Variants in AAGAB observed in about 807,000 individuals in gnomAD.
AAGAB encodes alpha- and gamma-adaptin-binding protein p34.
In AAGAB, 38 loss-of-function variants were observed where a neutral mutation model predicts 44.1. The ratio of observed to expected loss-of-function variants is 0.86; its 90% CI spans 0.67 to 1.13. The LOEUF (loss-of-function observed/expected upper bound fraction) is 1.13, where lower values mean the gene tolerates loss of function less well. Among genes scored for constraint, AAGAB ranks in the 50% most tolerant of loss-of-function variants. AAGAB has a pLI of 0.00. For missense variants in AAGAB, 450 were observed against 373.8 expected (o/e 1.20, Z -1.68); for synonymous variants, 131 against 131.8 (o/e 0.99, Z 0.04).
upstream of AAGAB, chr15:67,254,841 G>A (rs1965052471): frequency 1.3e-6 from 2 of 1,572,248 alleles, no homozygotes; most frequent in Admixed American, 1.7e-5. Flanking sequence ...TCCGGCTGAA[G>A]GTTTCCGTGC....
chr15:67,202,212 C>A lies in AAGAB; in HGVS notation c.*609G>T, dbSNP rs1265825023. 6.6e-6 allele frequency: 1 copy of A among 152,574 alleles called. No individual in the cohort carries two copies. The highest frequency in any genetic ancestry group is 1.5e-5 in the Non-Finnish European group (1 of 68,198). The allele number at this position is 152,574 out of a possible 1,614,324, so 9.5% of individuals were successfully genotyped here. A position where few individuals can be genotyped will look rare whatever the true frequency, so the allele number is the denominator to read the frequency against. Reference sequence around the variant, plus strand: ...ATTTATTACAGTCTAAAAATCCACACTGGCTTTTTGATTCTTTCTAGCATG... The same window carrying A: ...ATTTATTACAGTCTAAAAATCCACAATGGCTTTTTGATTCTTTCTAGCATG... On this transcript the variant is annotated 3_prime_UTR_variant, in exon 10 of 10. Transcript: ENST00000261880.
In AAGAB at chr15:67,209,524, G is replaced by T. The variant is rs1963761868; in HGVS notation, c.556C>A (p.Leu186Ile). Residue 186 changes from leucine (L) to isoleucine (I), a missense_variant, in exon 6 of 10, where the codon CTT becomes ATT. Coordinates refer to ENST00000261880, the MANE Select transcript of AAGAB (RefSeq NM_024666.5). ...MKNDRNQGFSLLNSLTGTNHS... is the reference protein window; with the variant it reads ...MKNDRNQGFSILNSLTGTNHS... ...TTTGTTCCAGTCAATGAGTTGAGAA[G>T]GCTAAAGCCTTGGTTCCTATCTGAA... The T allele has an allele frequency of 6.2e-7, 1 of 1,614,066 alleles. No homozygotes were observed. Among genetic ancestry groups the T allele is most frequent in the Non-Finnish European group, 8.5e-7 (1 of 1,179,946 alleles).
At chr15:67,206,526 T>G (rs925532674) in intron 7 of AAGAB, among the ~76,000 whole-genome samples, 3 of 152,234 alleles carry the variant, frequency 2.0e-5, no homozygotes, top group Non-Finnish European at 4.4e-5. Flanking sequence ...TCCTCATTCC[T>G]TCTATATTTA....
rs1357460008 is a variant in AAGAB, at chr15:67,201,805, C to T, written c.*1016G>A. The T allele has an allele frequency of 1.3e-5, 2 of 152,412 alleles. No individual in the cohort carries two copies. The highest frequency in any genetic ancestry group is 2.9e-5 in the Non-Finnish European group (2 of 68,030). 9.4% of individuals were successfully genotyped at this position (152,412 alleles called of 1,614,324 possible). A position where few individuals can be genotyped will look rare whatever the true frequency, so the allele number is the denominator to read the frequency against. ...GGATAAAGAACAAAAGATAGTCCTC[C>T]GAGGTTACAGGCTTGGAAGGGCAGA... On this transcript the variant is annotated 3_prime_UTR_variant, in exon 10 of 10. Coordinates refer to ENST00000261880, the MANE Select transcript of AAGAB (RefSeq NM_024666.5).
In AAGAB at chr15:67,235,985, C is replaced by T. The variant is rs1366676870; in HGVS notation, c.445G>A (p.Glu149Lys). 6.2e-7 allele frequency: 1 copy of T among 1,607,164 alleles called. No homozygotes were observed. Among genetic ancestry groups the T allele is most frequent in the East Asian group, 2.2e-5 (1 of 44,696 alleles). The change falls in exon 4 of 10, where the codon GAG (glutamate) becomes AAG (lysine). Residue 149 changes from glutamate to lysine, a missense_variant. By Grantham distance (56) the Glu-to-Lys change is moderately conservative. Transcript: ENST00000261880. ...VELSPEELPE[E>K]DDDFPESTGV... ...CTAACACATAAACACTTACCATCCT[C>T]CTCAGGCAACTCCTCTGGACTAAGT...
In AAGAB at chr15:67,211,358, TA is replaced by T. The variant is rs141355865; in HGVS notation, c.536-1815del. On this transcript the variant is annotated intron_variant, in intron 5 of 9. Transcript: ENST00000261880. ...CCCCTTATCTCCTCATCCAAAGGCC[TA>T]GGTGCCCAATCCAAAGACAGGGGAC... is the stretch of plus-strand genomic sequence containing the variant. Among the ~76,000 whole-genome samples the T allele has an allele frequency of 4.8e-3, 732 of 152,260 alleles. 7 individuals carry two copies. Among genetic ancestry groups the T allele is most frequent in the African/African-American group, 0.017 (700 of 41,546 alleles).
chr15:67,228,001 C>T (rs1964244313), intron 5 of AAGAB, among the ~76,000 whole-genome samples: 1 of 152,206 alleles, frequency 6.6e-6, no homozygotes, highest in Non-Finnish European at 1.5e-5. Flanking sequence ...AAAAAATCCA[C>T]AATGTACCTC....
At chr15:67,249,792 C>T (rs1964819155) in intron 1 of AAGAB, among the ~76,000 whole-genome samples, 1 of 152,184 alleles carries the variant, frequency 6.6e-6, no homozygotes, top group Admixed American at 6.5e-5. Context: ...AACATATGCT[C>T]CAGCACCTGG....
chr15:67,244,852 T>C (rs1964684620), intron 1 of AAGAB, among the ~76,000 whole-genome samples: 1 of 151,188 alleles, frequency 6.6e-6, no homozygotes, highest in African/African-American at 2.4e-5. Flanking sequence ...AAGATTTGAA[T>C]AGACATTTCA....
intron 4 of AAGAB, among the ~76,000 whole-genome samples, chr15:67,234,640 A>G (rs141629121): frequency 2.0e-4 from 31 of 152,380 alleles, no homozygotes; most frequent in African/African-American, 7.5e-4. Flanking sequence ...AATGAATACA[A>G]GAACATTATT....
intron 1 of AAGAB, among the ~76,000 whole-genome samples, chr15:67,243,906 A>G (rs1392819070): frequency 6.6e-6 from 1 of 152,104 alleles, no homozygotes; most frequent in African/African-American, 2.4e-5. Context: ...ATTGACAATT[A>G]ACCTTAGAAA....
intron 4 of AAGAB, among the ~76,000 whole-genome samples, chr15:67,233,979 A>G (rs1454458569): frequency 2.0e-5 from 3 of 152,034 alleles, no homozygotes; most frequent in Non-Finnish European, 4.4e-5. Flanking sequence ...GCGGTGGCTC[A>G]TGCCTGTAAT....
intron 4 of AAGAB, 35 bp from the exon 5 acceptor site, chr15:67,231,932 C>A: frequency 6.6e-7 from 1 of 1,523,752 alleles, no homozygotes; most frequent in South Asian, 1.1e-5. Context: ...TATTTATATG[C>A]AACACTCACA....
intron 1 of AAGAB, among the ~76,000 whole-genome samples, chr15:67,238,169 T>C (rs1000120668): frequency 6.6e-5 from 10 of 152,200 alleles, no homozygotes; most frequent in Admixed American, 2.6e-4. Flanking sequence ...AAGCATATCA[T>C]GAAATTAACT....
chr15:67,252,668 A>C (rs1964896599), intron 1 of AAGAB, among the ~76,000 whole-genome samples: 1 of 152,192 alleles, frequency 6.6e-6, no homozygotes. Context: ...GAAGGAAGAA[A>C]AGAAGGAAGA....
At chr15:67,249,010 G>T (rs1044951759) in intron 1 of AAGAB, among the ~76,000 whole-genome samples, 6 of 152,064 alleles carry the variant, frequency 3.9e-5, no homozygotes, top group Non-Finnish European at 7.4e-5. Context: ...TATAAATCTT[G>T]CATAAAAATA....
At chr15:67,211,603 TTATAA>T (rs1963822137) in intron 5 of AAGAB, among the ~76,000 whole-genome samples, 1 of 152,268 alleles carries the variant, frequency 6.6e-6, no homozygotes, top group South Asian at 2.1e-4. Context: ...ATGAGTGCTC[TTATAA>T]TATACTTTAA....
chr15:67,240,902 C>A (rs1596011056), intron 1 of AAGAB, among the ~76,000 whole-genome samples: 1 of 152,228 alleles, frequency 6.6e-6, no homozygotes, highest in East Asian at 1.9e-4. Context: ...AATGTGGTAA[C>A]CAATCAAATG....
rs770819514 is a variant in AAGAB, at chr15:67,236,450, G to C, written c.319C>G (p.Pro107Ala). The part of the protein sequence containing the change: ...SWLPLAKAWL[P>A]EVMILVCDRV... The stretch of plus-strand genomic sequence containing the variant: ...TCGCAGACCAAGATCATCACCTCAG[G>C]TAACCATGCTTTTGCCAGTGGAAGC... The change falls in exon 3 of 10, where the codon CCT (proline) becomes GCT (alanine). Residue 107 changes from proline to alanine, a missense_variant. Coordinates refer to ENST00000261880, the MANE Select transcript of AAGAB (RefSeq NM_024666.5). 1 of 1,614,048 alleles carries C rather than the reference G, an allele frequency of 6.2e-7. No individual in the cohort carries two copies. Among genetic ancestry groups the C allele is most frequent in the South Asian group, 1.1e-5 (1 of 91,074 alleles).
Sources: allele counts gnomAD v4.1 joint callset (sites outside exome capture counted in the v4.1 genomes callset), GRCh38; gene constraint gnomAD v4.1.1; transcripts MANE v1.5; gene names NCBI Gene and HGNC (gene_info 2026-07-23, HGNC 2026-07-21).